Variants in UCKL1 observed in about 807,000 individuals in gnomAD.
The protein encoded by UCKL1 is uridine-cytidine kinase 1 like 1.
Under a neutral mutation model 59.2 loss-of-function variants are expected in UCKL1, and 65 were observed. The observed-to-expected ratio is 1.10, with a 90% CI of 0.90 to 1.35. UCKL1 has a LOEUF of 1.35. Among genes scored for constraint, UCKL1 ranks in the 40% most tolerant of loss-of-function variants. UCKL1 has a pLI of 0.00. For missense variants in UCKL1, 703 were observed against 784.3 expected (o/e 0.90, Z 1.24); for synonymous variants, 410 against 323.1 (o/e 1.27, Z -2.88).
intron 1 of UCKL1, 168 bp downstream of exon 1, chr20:63,956,092 T>G (rs1410163052): frequency 1.6e-6 from 1 of 615,418 alleles, no homozygotes; most frequent in Non-Finnish European, 2.5e-6. Flanking sequence ...CCCGGCCGCT[T>G]CAAGCCCGCG....
At chr20:63,947,168 T>C (rs1212011566) in intron 1 of UCKL1, among the ~76,000 whole-genome samples, 2 of 151,690 alleles carry the variant, frequency 1.3e-5, no homozygotes, top group Non-Finnish European at 2.9e-5. Flanking sequence ...CCTCAGATCA[T>C]CACTGTCCAC....
intron 1 of UCKL1, chr20:63,955,482 C>T (rs1569170189): frequency 1.3e-5 from 2 of 152,256 alleles, no homozygotes; most frequent in African/African-American, 4.8e-5. Context: ...TGAGGGAGTC[C>T]TGGCTCACAG....
chr20:63,941,770 C>T (rs1052372262), intron 8 of UCKL1, among the ~76,000 whole-genome samples: 8 of 149,820 alleles, frequency 5.3e-5, no homozygotes, highest in African/African-American at 2.0e-4. Flanking sequence ...GGTCTAGGAG[C>T]GGGCAGGAAA....
chr20:63,949,152 G>A (rs2057162544), intron 1 of UCKL1, among the ~76,000 whole-genome samples: 1 of 152,208 alleles, frequency 6.6e-6, no homozygotes, highest in Non-Finnish European at 1.5e-5. Flanking sequence ...AGGGGAGTGA[G>A]CACGGGGAAT....
At position 63,946,245 on chromosome 20, in the gene UCKL1, A is replaced by G; in HGVS notation, c.327T>C (p.Ser109=). Residue 109 remains serine (S), a synonymous_variant, in exon 3 of 15, where the codon TCT becomes TCC. Transcript: ENST00000354216. The part of the protein sequence containing the change: ...FAIGLGGGSA[S]GKTTVARMII... ...TCATTCTGGCCACAGTGGTCTTCCC[A>G]GAGGCACTGCCGCCTCCCAAGCCTG... 1 of 1,601,888 alleles carries G rather than the reference A, an allele frequency of 6.2e-7. No homozygotes were observed. Among genetic ancestry groups the G allele is most frequent in the Non-Finnish European group, 8.5e-7 (1 of 1,175,034 alleles).
Position 63,945,954 on chromosome 20 carries a change from CCTG to C in UCKL1, c.430_432del (p.Gln144del). ...TTGAAGTTGTTGTGTGCGGCCTGTTCCTGCTGCTGCTCAGTCAGCACCTGGTGG... is the reference window on the plus strand; with the variant it reads ...TTGAAGTTGTTGTGTGCGGCCTGTTCCTGCTGCTCAGTCAGCACCTGGTGG... On this transcript the variant is annotated inframe_deletion, in exon 4 of 15. Transcript: ENST00000354216. The C allele has an allele frequency of 6.2e-7, 1 of 1,613,806 alleles. No homozygotes were observed. Among genetic ancestry groups the C allele is most frequent in the South Asian group, 1.1e-5 (1 of 91,086 alleles).
intron 1 of UCKL1, among the ~76,000 whole-genome samples, 198 bp from the exon 2 acceptor site, chr20:63,946,841 G>A: frequency 6.6e-6 from 1 of 152,126 alleles, no homozygotes; most frequent in Non-Finnish European, 1.5e-5. Context: ...ACTTTGGGAG[G>A]CCGAGGCAGG....
intron 1 of UCKL1, among the ~76,000 whole-genome samples, chr20:63,946,943 G>C (rs1478802436): frequency 1.3e-5 from 2 of 152,110 alleles, no homozygotes; most frequent in Non-Finnish European, 2.9e-5. Context: ...AATTACCTGG[G>C]TGCGGTGGTG....
chr20:63,948,254 GTC>G (rs2056773773), intron 1 of UCKL1: 1 of 152,204 alleles, frequency 6.6e-6, no homozygotes, highest in South Asian at 2.1e-4. Context: ...CACAGTCACT[GTC>G]TGTGCAGGGC....
chr20:63,942,813 C>T (rs972530209), intron 8 of UCKL1: 22 of 439,948 alleles, frequency 5.0e-5, no homozygotes, highest in South Asian at 3.5e-4. Flanking sequence ...CCTCTCAGAA[C>T]AAAAGCTTCA....
chr20:63,946,830 T>C (rs908085765), intron 1 of UCKL1, among the ~76,000 whole-genome samples, 187 bp from the exon 2 acceptor site: 4 of 151,546 alleles, frequency 2.6e-5, no homozygotes, highest in Non-Finnish European at 5.9e-5. Context: ...GTAATCCCAG[T>C]ACTTTGGGAG....
At chr20:63,952,426 C>G (rs1048057233) in intron 1 of UCKL1, among the ~76,000 whole-genome samples, 1 of 152,222 alleles carries the variant, frequency 6.6e-6, no homozygotes, top group Admixed American at 6.5e-5. Flanking sequence ...ACCCTGGAAT[C>G]ACGTCGCCTC....
intron 5 of UCKL1, among the ~76,000 whole-genome samples, chr20:63,945,332 C>G (rs532512508): frequency 1.3e-5 from 2 of 152,292 alleles, no homozygotes; most frequent in South Asian, 2.1e-4. Flanking sequence ...CAAAATCTCT[C>G]AAACACACCA....
chr20:63,944,812 A>G, intron 5 of UCKL1, 78 bp from the exon 6 acceptor site: 1 of 1,545,502 alleles, frequency 6.5e-7, no homozygotes, highest in Non-Finnish European at 8.7e-7. Context: ...CCCTGCACTG[A>G]GGCCGCCTGG....
chr20:63,947,364 GCA>G (rs1373602878), intron 1 of UCKL1, among the ~76,000 whole-genome samples: 3 of 152,238 alleles, frequency 2.0e-5, no homozygotes, highest in Non-Finnish European at 4.4e-5. Flanking sequence ...TTGCAACCCG[GCA>G]CACTCTCTGG....
At chr20:63,948,302 C>G (rs552787091) in intron 1 of UCKL1, 1 of 152,098 alleles carries the variant, frequency 6.6e-6, no homozygotes, top group Non-Finnish European at 1.5e-5. Flanking sequence ...GCTCCGCAAA[C>G]GGCAGGACCG....
chr20:63,942,507 A>G (rs868608931), intron 8 of UCKL1: 1 of 1,174,306 alleles, frequency 8.5e-7, no homozygotes. Context: ...CCAGGTGAAG[A>G]GCATGTTCAG....
intron 1 of UCKL1, 61 bp from the exon 2 acceptor site, chr20:63,946,704 G>A (rs2056327232): frequency 2.0e-6 from 3 of 1,519,956 alleles, no homozygotes; most frequent in East Asian, 2.3e-5. Flanking sequence ...GTACCCGCTG[G>A]CATGGCCGGC....
rs200160969 is a variant in UCKL1 at position 63,945,747 on chromosome 20, G to A, written c.583-25C>T. On this transcript the variant is annotated intron_variant, in intron 4 of 14. Transcript: ENST00000354216. ...TCTGTGAAGAAACCCAGGAGTTGCG[G>A]AGCCTGGCTCATGTGCCTGCAGCCC... 2,815 of 1,612,800 alleles carry A rather than the reference G, an allele frequency of 1.7e-3. 2 individuals carry two copies. The highest frequency in any genetic ancestry group is 3.1e-3 in the Admixed American group (186 of 60,018).
Sources: allele counts gnomAD v4.1 joint callset (sites outside exome capture counted in the v4.1 genomes callset), GRCh38; gene constraint gnomAD v4.1.1; transcripts MANE v1.5; gene names NCBI Gene and HGNC (gene_info 2026-07-23, HGNC 2026-07-21).